Variants in PTPRD observed in about 807,000 individuals in gnomAD.
The protein encoded by PTPRD is receptor-type tyrosine-protein phosphatase delta.
PTPRD carries 34 observed loss-of-function variants against 214.5 expected under a neutral mutation model. The observed-to-expected ratio is 0.16, with a 90% CI of 0.12 to 0.21. The LOEUF (loss-of-function observed/expected upper bound fraction) is 0.21. Ranked by LOEUF, PTPRD falls within the 10% of genes least tolerant of loss-of-function variation. The probability of loss-of-function intolerance (pLI) is 1.00; values close to 1 mark genes in which losing one functional copy is unlikely to be tolerated. For synonymous variants in PTPRD, 1,128 were observed against 845.7 expected (o/e 1.33, Z -5.79); for missense variants, 2,545 against 2,398.7 (o/e 1.06, Z -1.27).
intron 6 of PTPRD, among the ~76,000 whole-genome samples, chr9:9,760,949 C>T (rs769117788): frequency 6.6e-6 from 1 of 152,096 alleles, no homozygotes; most frequent in South Asian, 2.1e-4. Context: ...TACATCACTG[C>T]TAGGAATATA....
At chr9:9,315,716 T>C (rs1337203431) in intron 9 of PTPRD, among the ~76,000 whole-genome samples, 1 of 150,744 alleles carries the variant, frequency 6.6e-6, no homozygotes, top group Non-Finnish European at 1.5e-5. Context: ...CATAACCGTC[T>C]AAAAAACAAA....
intron 12 of PTPRD, among the ~76,000 whole-genome samples, chr9:8,680,870 G>C (rs925604371): frequency 6.6e-6 from 1 of 152,250 alleles, no homozygotes; most frequent in Middle Eastern, 3.4e-3. Flanking sequence ...ACATGTAGTC[G>C]AATGATTGGC....
chr9:10,376,242 T>C (rs2097725481), intron 2 of PTPRD, among the ~76,000 whole-genome samples: 1 of 151,878 alleles, frequency 6.6e-6, no homozygotes, highest in Non-Finnish European at 1.5e-5. Context: ...ATATGCTACC[T>C]GTTTTTTTTT....
rs537010309 is a variant in PTPRD at position 8,918,769 on chromosome 9, C to A, written c.-104+99928G>T. Among the ~76,000 whole-genome samples the A allele has an allele frequency of 2.6e-5, 4 of 152,244 alleles. No homozygotes were observed. In the South Asian group the frequency reaches 8.3e-4, roughly 32 times the overall value. On this transcript the variant is annotated intron_variant, in intron 11 of 45. Coordinates refer to ENST00000381196, the MANE Select transcript of PTPRD (RefSeq NM_002839.4). ...TTCTATTCGGATACTTTAAAGGAAT[C>A]ACCCAAAGGCTAGTTTATGACACAA...
intron 5 of PTPRD, among the ~76,000 whole-genome samples, chr9:9,860,851 G>A (rs562330243): frequency 6.6e-6 from 1 of 152,176 alleles, no homozygotes; most frequent in Non-Finnish European, 1.5e-5. Context: ...AGAGATGTTG[G>A]TTTTGTTGTT....
chr9:9,127,737 A>G (rs953124935), intron 10 of PTPRD, among the ~76,000 whole-genome samples: 1 of 152,214 alleles, frequency 6.6e-6, no homozygotes, highest in African/African-American at 2.4e-5. Flanking sequence ...TCAGTCTTTC[A>G]TCGAATGTCT....
At chr9:10,567,065 ATAGTATGTTTGCTTTTCT>A (rs1313882659) in intron 2 of PTPRD, among the ~76,000 whole-genome samples, 1 of 152,044 alleles carries the variant, frequency 6.6e-6, no homozygotes, top group Non-Finnish European at 1.5e-5. Context: ...ATGTGCTTAC[ATAGTATGTTTGCTTTTCT>A]CTCTCCTAGT....
At chr9:8,595,349 G>C (rs2094424025) in intron 14 of PTPRD, among the ~76,000 whole-genome samples, 1 of 152,030 alleles carries the variant, frequency 6.6e-6, no homozygotes, top group African/African-American at 2.4e-5. Flanking sequence ...AAACCATATA[G>C]CCAATCAAAG....
intron 12 of PTPRD, among the ~76,000 whole-genome samples, chr9:8,642,077 A>G (rs191416536): frequency 6.6e-6 from 1 of 152,338 alleles, no homozygotes; most frequent in East Asian, 1.9e-4. Context: ...TCCACCAGTA[A>G]CATCCACAGA....
intron 9 of PTPRD, among the ~76,000 whole-genome samples, chr9:9,361,559 T>C (rs1168902943): frequency 6.6e-6 from 1 of 151,032 alleles, no homozygotes; most frequent in East Asian, 1.9e-4. Flanking sequence ...AGGTACATGT[T>C]TTTGGTACAT....
chr9:9,733,423 G>A (rs1030272240), intron 7 of PTPRD, among the ~76,000 whole-genome samples: 1 of 152,160 alleles, frequency 6.6e-6, no homozygotes, highest in African/African-American at 2.4e-5. Flanking sequence ...CAAGTCTTCA[G>A]TAACGTTTGT....
At chr9:8,733,347 G>C (rs1364727974) in intron 12 of PTPRD, among the ~76,000 whole-genome samples, 1 of 152,084 alleles carries the variant, frequency 6.6e-6, no homozygotes, top group Non-Finnish European at 1.5e-5. Flanking sequence ...CAAGGGGCTT[G>C]GAAGTTTAAT....
intron 34 of PTPRD, among the ~76,000 whole-genome samples, chr9:8,447,321 C>T (rs1327225208): frequency 2.6e-5 from 4 of 152,148 alleles, no homozygotes; most frequent in African/African-American, 4.8e-5. Flanking sequence ...TGACACCTTC[C>T]TTTATACTCA....
rs750576803 is a variant in PTPRD at position 8,517,828 on chromosome 9, C to T, written c.1543+20G>A. On this transcript the variant is annotated intron_variant, in intron 21 of 45. Coordinates refer to ENST00000381196, the MANE Select transcript of PTPRD (RefSeq NM_002839.4). ...CCAGCCCTTCCCTCCTGCCCTATTT[C>T]CCTCCTCAACCAAACTTACCTCCTG... 3 of 1,598,036 alleles carry T rather than the reference C, an allele frequency of 1.9e-6. No individual in the cohort carries two copies. Among genetic ancestry groups the T allele is most frequent in the South Asian group, 1.1e-5 (1 of 88,444 alleles).
At chr9:10,401,819 T>C (rs2098274933) in intron 2 of PTPRD, among the ~76,000 whole-genome samples, 1 of 150,950 alleles carries the variant, frequency 6.6e-6, no homozygotes, top group South Asian at 2.1e-4. Context: ...TAACAGCATA[T>C]GTAAATATGA....
At chr9:9,454,584 T>C (rs563338794) in intron 8 of PTPRD, among the ~76,000 whole-genome samples, 7 of 151,856 alleles carry the variant, frequency 4.6e-5, no homozygotes, top group South Asian at 4.1e-4. Flanking sequence ...CATTTTAGAA[T>C]TGCAAAAGGT....
intron 7 of PTPRD, among the ~76,000 whole-genome samples, chr9:9,589,315 T>A (rs962268539): frequency 5.9e-5 from 9 of 151,904 alleles, no homozygotes; most frequent in Admixed American, 6.6e-5. Flanking sequence ...TGTTCTTGGT[T>A]GCAGCTATTT....
At chr9:9,172,064 A>G (rs183111041) in intron 10 of PTPRD, among the ~76,000 whole-genome samples, 196 of 152,274 alleles carry the variant, frequency 1.3e-3, no homozygotes, top group African/African-American at 4.4e-3. Context: ...TTACAAATCC[A>G]GTGTACCAGT....
intron 11 of PTPRD, among the ~76,000 whole-genome samples, chr9:8,876,649 C>A (rs2098393914): frequency 6.6e-6 from 1 of 152,174 alleles, no homozygotes; most frequent in South Asian, 2.1e-4. Context: ...ATACTCTGAT[C>A]ATTTAAATCT....
Sources: gnomAD v4.1 joint callset for allele counts (sites outside exome capture counted in the v4.1 genomes callset) on GRCh38, gnomAD v4.1.1 for gene constraint, MANE v1.5 for transcripts, NCBI Gene and HGNC (gene_info 2026-07-23, HGNC 2026-07-21) for gene names.